The following MACF1 variants were observed in gnomAD, a reference collection of about 807,000 sequenced individuals.
MACF1 encodes microtubule-actin cross-linking factor 1.
MACF1 carries 193 observed loss-of-function variants against 854.8 expected under a neutral mutation model. The observed-to-expected ratio is 0.23, with a 90% CI of 0.20 to 0.25. MACF1 has a LOEUF of 0.25. MACF1 is among the 10% of genes least tolerant of loss of function. MACF1 has a pLI of 1.00. For synonymous variants in MACF1, 3,185 were observed against 3,226.7 expected (o/e 0.99, Z 0.44); for missense variants, 7,722 against 8,929.1 (o/e 0.86, Z 5.45).
chr1:39,262,964 GA>G (rs1406596562), intron 6 of MACF1, among the ~76,000 whole-genome samples: 1 of 151,718 alleles, frequency 6.6e-6, no homozygotes, highest in Non-Finnish European at 1.5e-5. Context: ...GGATCATGTG[GA>G]GTGCCCCCCC....
At chr1:39,418,862 C>CA (rs199994964) in intron 58 of MACF1, among the ~76,000 whole-genome samples, 2,492 of 137,186 alleles carry the variant, frequency 0.018, 42 homozygotes, top group African/African-American at 0.056. Context: ...GACCCTGTCT[C>CA]AAAAAAAAAA....
At chr1:39,177,516 A>G (rs1048364481) in intron 2 of MACF1, among the ~76,000 whole-genome samples, 2 of 152,160 alleles carry the variant, frequency 1.3e-5, no homozygotes, top group East Asian at 3.9e-4. Context: ...TTTGCTGTGC[A>G]AAAAGGGAAC....
chr1:39,283,327 G>A lies in MACF1; in HGVS notation c.808+26G>A, dbSNP rs370424320. 3.8e-6 allele frequency: 6 copies of A among 1,590,036 alleles called. No homozygotes were observed. In the African/African-American group the frequency reaches 5.4e-5, roughly 14 times the overall value. On this transcript the variant is annotated intron_variant, in intron 8 of 100. Transcript: ENST00000564288. The surrounding 1 kb of genome is among the most constrained non-coding windows in gnomAD (Gnocchi z 4.5). The stretch of plus-strand genomic sequence containing the variant: ...GTGAGAGGGAGTTTACTGAACTTGA[G>A]TAAGGAACACGTATTCAGTATTCCT...
chr1:39,280,945 G>T (rs76874313), intron 6 of MACF1, among the ~76,000 whole-genome samples: 2 of 152,238 alleles, frequency 1.3e-5, no homozygotes, highest in East Asian at 3.9e-4. Context: ...AGTAAGAATC[G>T]AAGGAAGACC....
intron 26 of MACF1, among the ~76,000 whole-genome samples, chr1:39,312,669 AC>A (rs1235416949): frequency 1.3e-5 from 2 of 152,288 alleles, no homozygotes; most frequent in East Asian, 3.9e-4. Context: ...CACTAAAAGT[AC>A]AAAAAGTAGC....
intron 29 of MACF1, 145 bp from the exon 30 acceptor site, chr1:39,318,308 C>A: frequency 3.0e-6 from 2 of 675,448 alleles, no homozygotes; most frequent in Admixed American, 2.8e-5. Flanking sequence ...TCTCACTCAG[C>A]CTTGCATCGC....
intron 23 of MACF1, among the ~76,000 whole-genome samples, chr1:39,305,993 TCTC>T (rs1646166079): frequency 6.6e-6 from 1 of 152,186 alleles, no homozygotes; most frequent in Non-Finnish European, 1.5e-5. Context: ...TTGTTTATTC[TCTC>T]CTATTAGAGA....
intron 58 of MACF1, among the ~76,000 whole-genome samples, chr1:39,392,410 G>C (rs1642069851): frequency 1.3e-5 from 2 of 152,150 alleles, no homozygotes; most frequent in African/African-American, 4.8e-5. Context: ...CAGCAGACCA[G>C]ATTTATAAAG....
chr1:39,089,303 G>A (rs1416576551), intron 2 of MACF1, among the ~76,000 whole-genome samples: 1 of 152,166 alleles, frequency 6.6e-6, no homozygotes, highest in Non-Finnish European at 1.5e-5. Context: ...ATCCCTCTCT[G>A]GTTGTTCATT....
Position 39,151,380 on chromosome 1 carries a change from T to G in MACF1, c.220+66942T>G, listed in dbSNP as rs542420761. On this transcript the variant is annotated intron_variant, in intron 2 of 93. Transcript: ENST00000361689. The stretch of plus-strand genomic sequence containing the variant: ...CCTTTTCGTTACTGCCAGAATGCTC[T>G]TTCTAAAATTAAAATCTGATTATAA... Among the ~76,000 whole-genome samples the G allele has an allele frequency of 1.6e-4, 24 of 152,348 alleles. No homozygotes were observed. The East Asian group carries it at 3.5e-3, about 22-fold the overall frequency.
chr1:39,089,463 C>G (rs1006042969), intron 2 of MACF1, among the ~76,000 whole-genome samples: 2 of 152,188 alleles, frequency 1.3e-5, no homozygotes, highest in Admixed American at 6.5e-5. Flanking sequence ...CGACAATTGT[C>G]TCTCTGCACA....
chr1:39,187,442 A>G (rs1571149939), intron 2 of MACF1, among the ~76,000 whole-genome samples: 1 of 152,176 alleles, frequency 6.6e-6, no homozygotes, highest in South Asian at 2.1e-4. Context: ...TAAAGCTGTC[A>G]TCCTGGCACT....
rs1431870246 is a variant in MACF1, at chr1:39,336,423, G to A, written c.9835G>A (p.Val3279Met). 2 of 1,614,114 alleles carry A rather than the reference G, an allele frequency of 1.2e-6. No homozygotes were observed. Among genetic ancestry groups the A allele is most frequent in the Non-Finnish European group, 8.5e-7 (1 of 1,180,014 alleles). The change falls in exon 37 of 101, where the codon GTG (valine) becomes ATG (methionine). Residue 3279 changes from valine to methionine, a missense_variant. By Grantham distance (21) the Val-to-Met change is conservative. Coordinates refer to ENST00000564288, the MANE Select transcript of MACF1 (RefSeq NM_001394062.1). The part of the protein sequence containing the change: ...SFLPEKLFKG[V>M]SQKENTGQQN... ...TCTTCCAGAGAAACTGTTCAAAGGA[G>A]TGTCTCAAAAAGAGAATACAGGGCA...
At position 39,428,059 on chromosome 1, in the gene MACF1, T is replaced by C; in HGVS notation, c.16575T>C (p.Gly5525=). 6.2e-7 allele frequency: 1 copy of C among 1,614,146 alleles called. No homozygotes were observed. Among genetic ancestry groups the C allele is most frequent in the Non-Finnish European group, 8.5e-7 (1 of 1,180,014 alleles). The part of the protein sequence containing the change: ...LSSLTSPAEQ[G]VLSEKIDSLQ... ...CCCTGACATCTCCTGCAGAACAGGG[T>C]GTGCTGTCAGAAAAGATAGACTCAT... The change falls in exon 63 of 101, where the codon GGT becomes GGC. Residue 5525 remains glycine (G), a synonymous_variant. Transcript: ENST00000564288.
At chr1:39,192,387 T>C (rs1388162079) in intron 2 of MACF1, among the ~76,000 whole-genome samples, 1 of 152,158 alleles carries the variant, frequency 6.6e-6, no homozygotes, top group African/African-American at 2.4e-5. Context: ...CTGCTCCTTT[T>C]CTGTCTGCTA....
intron 52 of MACF1, among the ~76,000 whole-genome samples, chr1:39,375,025 G>T (rs964776999): frequency 6.9e-6 from 1 of 145,210 alleles, no homozygotes; most frequent in Non-Finnish European, 1.5e-5. Context: ...CAGGAGAATG[G>T]CATGAACCCG....
intron 46 of MACF1, 133 bp downstream of exon 46, chr1:39,359,006 A>G (rs1647836376): frequency 6.4e-6 from 9 of 1,407,258 alleles, no homozygotes; most frequent in Non-Finnish European, 8.7e-6. Context: ...TCTGAGTGCT[A>G]AACACTTGCT....
rs1644129984 is a variant in MACF1 at position 39,442,054 on chromosome 1, G to T, written c.18774+1G>T. 6.2e-7 allele frequency: 1 copy of T among 1,609,740 alleles called. No homozygotes were observed. Among genetic ancestry groups the T allele is most frequent in the Non-Finnish European group, 8.5e-7 (1 of 1,178,758 alleles). On this transcript the variant is annotated splice_donor_variant, in intron 75 of 100. Coordinates refer to ENST00000564288, the MANE Select transcript of MACF1 (RefSeq NM_001394062.1). LOFTEE classifies it high-confidence loss of function. Reference sequence around the variant, plus strand: ...TAAAGATCAGTTAAATGAAATGAAGGTTTGTATCTGGGTATGGCTTTTGAA... The same window carrying T: ...TAAAGATCAGTTAAATGAAATGAAGTTTTGTATCTGGGTATGGCTTTTGAA...
chr1:39,366,748 G>T (rs1414351951), intron 49 of MACF1, among the ~76,000 whole-genome samples: 1 of 149,542 alleles, frequency 6.7e-6, no homozygotes, highest in Non-Finnish European at 1.5e-5. Flanking sequence ...AGGCTGGAGT[G>T]CTATGGCACA....
Sources: gnomAD v4.1 joint callset for allele counts (sites outside exome capture counted in the v4.1 genomes callset) on GRCh38, gnomAD v4.1.1 for gene constraint, Gnocchi (gnomAD v3.1) non-coding constraint, MANE v1.5 for transcripts, NCBI Gene and HGNC (gene_info 2026-07-23, HGNC 2026-07-21) for gene names.